ANKS3: variants seen among roughly 807,000 people sequenced by gnomAD.
ANKS3 encodes ankyrin repeat and SAM domain-containing protein 3.
A neutral mutation model predicts 80.7 loss-of-function variants in ANKS3; 62 were observed. That is an observed-to-expected ratio of 0.77 (90% CI 0.63 to 0.95). The LOEUF is 0.95. ANKS3 is among the 40% of genes least tolerant of loss of function. The pLI, the probability that ANKS3 is intolerant of heterozygous loss-of-function variation, is 0.00. For synonymous variants in ANKS3, 489 were observed against 355.3 expected, an observed-to-expected ratio of 1.38 and a Z score of -4.23; for missense variants, 1,150 against 883.6, an observed-to-expected ratio of 1.30 and a Z score of -3.82.
rs2080641694 is a variant in ANKS3, at chr16:4,714,053, G to A, written c.707C>T (p.Pro236Leu). The change falls in exon 7 of 18, where the codon CCA becomes CTA. Residue 236 changes from proline (P) to leucine (L), a missense_variant and splice_region_variant. Coordinates refer to ENST00000304283, the MANE Select transcript of ANKS3 (RefSeq NM_133450.4). ...PSLPKSLYRS[P>L]EKYEDLSSSD... is the part of the protein sequence containing the mutation. ...GCGCGGCTGGCAGGTGTGGGTACCT[G>A]GGCTCCGATAGAGGCTCTTGGGCAG... 1.2e-6 allele frequency: 2 copies of A among 1,614,042 alleles called. No homozygotes were observed. Among genetic ancestry groups the A allele is most frequent in the South Asian group, 2.2e-5 (2 of 91,066 alleles).
chr16:4,698,099 G>A (rs991457954), intron 14 of ANKS3, 37 bp from the exon 15 acceptor site: 7 of 1,561,092 alleles, frequency 4.5e-6, no homozygotes, highest in Non-Finnish European at 6.1e-6. Context: ...TGAGAGCAGA[G>A]GCCTGGCCGC....
At chr16:4,697,148 G>T in intron 16 of ANKS3, 44 bp from the exon 17 acceptor site, 1 of 1,600,320 alleles carries the variant, frequency 6.2e-7, no homozygotes, top group Non-Finnish European at 8.5e-7. Context: ...AGGCTCAGGA[G>T]GGCTGGGTGG....
At chr16:4,714,213 G>C (rs1567378390) in intron 6 of ANKS3, 27 bp from the exon 7 acceptor site, 6 of 1,612,414 alleles carry the variant, frequency 3.7e-6, no homozygotes, top group Non-Finnish European at 5.1e-6. Flanking sequence ...AAGGGGGTTA[G>C]GGGCCTCTCC....
intron 6 of ANKS3, among the ~76,000 whole-genome samples, chr16:4,723,245 A>G (rs2081192800): frequency 6.6e-6 from 1 of 152,220 alleles, no homozygotes; most frequent in Non-Finnish European, 1.5e-5. Flanking sequence ...TTGTTCAACC[A>G]TCACCACAAA....
At chr16:4,723,352 C>T (rs2081197761) in intron 6 of ANKS3, among the ~76,000 whole-genome samples, 1 of 152,236 alleles carries the variant, frequency 6.6e-6, no homozygotes, top group African/African-American at 2.4e-5. Context: ...TTATTCTGGA[C>T]ATTTCCTATG....
intron 1 of ANKS3, among the ~76,000 whole-genome samples, chr16:4,733,177 T>C (rs1303061056): frequency 9.4e-6 from 1 of 105,910 alleles, no homozygotes; most frequent in African/African-American, 3.8e-5. Context: ...CACTCCAGCC[T>C]GGGCGACAAA....
At chr16:4,727,484 T>A (rs2081413561) in intron 3 of ANKS3, 2 of 449,270 alleles carry the variant, frequency 4.5e-6, no homozygotes, top group South Asian at 2.2e-5. Flanking sequence ...TATGTGGCAA[T>A]GTGTGAAGGC....
At chr16:4,725,004 G>C (rs985994891) in intron 5 of ANKS3, 173 bp from the exon 6 acceptor site, 7 of 542,182 alleles carry the variant, frequency 1.3e-5, no homozygotes, top group Non-Finnish European at 2.3e-5. Context: ...TAACACATCA[G>C]CTCCATTTAC....
chr16:4,730,224 C>T (rs1217603555), intron 2 of ANKS3, 73 bp from the exon 3 acceptor site: 2 of 1,347,642 alleles, frequency 1.5e-6, no homozygotes, highest in East Asian at 5.5e-5. Context: ...CTGGTCCTGC[C>T]CCTGCTACAC....
rs1421091072 is a variant in ANKS3 at position 4,727,159 on chromosome 16, A to G, written c.189T>C (p.Asn63=). Residue 63 remains asparagine, a synonymous_variant, in exon 4 of 18, where the codon AAT becomes AAC. Coordinates refer to ENST00000304283, the MANE Select transcript of ANKS3 (RefSeq NM_133450.4). ...ECVQRRELDL[N]KKNGGGWTPL... The stretch of plus-strand genomic sequence containing the variant: ...GGGTCCAGCCACCACCATTCTTCTT[A>G]TTCAAATCTAACTCTCTCCTAAACA... 1 of 1,614,146 alleles carries G rather than the reference A, an allele frequency of 6.2e-7. No individual in the cohort carries two copies. Among genetic ancestry groups the G allele is most frequent in the East Asian group, 2.2e-5 (1 of 44,890 alleles).
At chr16:4,701,995 C>G in intron 9 of ANKS3, 107 bp downstream of exon 9, 1 of 1,360,060 alleles carries the variant, frequency 7.4e-7, no homozygotes, top group Admixed American at 2.4e-5. Context: ...CTGTCCTCTG[C>G]TGGATGGCTG....
chr16:4,699,202 G>A, intron 11 of ANKS3, 26 bp from the exon 12 acceptor site: 6 of 1,612,682 alleles, frequency 3.7e-6, no homozygotes, highest in Non-Finnish European at 2.5e-6. Context: ...GACAGGTTGG[G>A]GGAGGTAGTG....
chr16:4,696,913 C>A lies in ANKS3; in HGVS notation c.*12-17G>T. On this transcript the variant is annotated splice_polypyrimidine_tract_variant and intron_variant, in intron 17 of 17. Coordinates refer to ENST00000304283, the MANE Select transcript of ANKS3 (RefSeq NM_133450.4). ...CGTCAGATTCTGAAAGAAAAAGCCC[C>A]GGTGAGAAGGGAGGGGGACAGGTGG... 1 of 1,059,214 alleles carries A rather than the reference C, an allele frequency of 9.4e-7. No individual in the cohort carries two copies. Among genetic ancestry groups the A allele is most frequent in the East Asian group, 2.6e-5 (1 of 38,966 alleles). 65.6% of individuals were successfully genotyped at this position (1,059,214 alleles called of 1,614,324 possible). A position where few individuals can be genotyped will look rare whatever the true frequency, so the allele number is the denominator to read the frequency against.
chr16:4,713,948 A>G (rs778205833), intron 7 of ANKS3, 103 bp downstream of exon 7: 397 of 1,478,002 alleles, frequency 2.7e-4, no homozygotes, highest in Non-Finnish European at 3.4e-4. Context: ...AATCTCAGAG[A>G]AGGTGGGAGC....
intron 7 of ANKS3, 85 bp downstream of exon 7, chr16:4,713,966 G>A: frequency 1.2e-5 from 18 of 1,539,456 alleles, no homozygotes; most frequent in Non-Finnish European, 1.4e-5. Context: ...AGCCGGGGAA[G>A]CGGGGGACAT....
At chr16:4,707,559 G>T (rs2080265284) in intron 7 of ANKS3, among the ~76,000 whole-genome samples, 1 of 152,102 alleles carries the variant, frequency 6.6e-6, no homozygotes, top group African/African-American at 2.4e-5. Context: ...TCGGATTACA[G>T]GTATGGGCCA....
intron 6 of ANKS3, among the ~76,000 whole-genome samples, chr16:4,723,702 G>C (rs1308716775): frequency 1.3e-5 from 2 of 152,204 alleles, no homozygotes; most frequent in Non-Finnish European, 2.9e-5. Context: ...CAATTCCTCA[G>C]TAGATGGACT....
In ANKS3 at chr16:4,704,049, G is replaced by C. The variant is rs116003367; in HGVS notation, c.868+1046C>G. On this transcript the variant is annotated intron_variant, in intron 8 of 17. Transcript: ENST00000304283. Reference sequence around the variant, plus strand: ...TCAGAACGACCAGCCCGGTGTCCCAGAGCCAGTGCTCACAGCTCAGCGGAC... The same window carrying C: ...TCAGAACGACCAGCCCGGTGTCCCACAGCCAGTGCTCACAGCTCAGCGGAC... Among the ~76,000 whole-genome samples the C allele has an allele frequency of 1.6e-3, 241 of 152,340 alleles. 3 individuals are homozygous for C. Among genetic ancestry groups the C allele is most frequent in the African/African-American group, 5.4e-3 (225 of 41,574 alleles).
At chr16:4,713,513 A>G (rs573662066) in intron 7 of ANKS3, among the ~76,000 whole-genome samples, 16 of 152,332 alleles carry the variant, frequency 1.1e-4, no homozygotes, top group African/African-American at 3.4e-4. Flanking sequence ...ATGATCAAAC[A>G]CTTAGGAATA....
Sources: gnomAD v4.1 joint callset for allele counts (sites outside exome capture counted in the v4.1 genomes callset) on GRCh38, gnomAD v4.1.1 for gene constraint, MANE v1.5 for transcripts, NCBI Gene and HGNC (gene_info 2026-07-23, HGNC 2026-07-21) for gene names.